Variants in MTX2 observed in about 807,000 individuals in gnomAD.
MTX2 encodes the protein metaxin-2.
MTX2 carries 35 observed loss-of-function variants against 42.3 expected under a neutral mutation model. That is an observed-to-expected ratio of 0.83 (90% confidence interval 0.63 to 1.10). MTX2 has a LOEUF of 1.10. Among genes scored for constraint, MTX2 ranks in the 50% least tolerant of loss-of-function variants. The probability of loss-of-function intolerance (pLI) is 0.00; values close to 1 mark genes in which losing one functional copy is unlikely to be tolerated. For missense variants in MTX2, 307 were observed against 304.1 expected (o/e 1.01, Z -0.07); for synonymous variants, 119 against 100.9 (o/e 1.18, Z -1.08).
intron 9 of MTX2, among the ~76,000 whole-genome samples, chr2:176,335,838 A>G (rs998682681): frequency 2.0e-5 from 3 of 152,010 alleles, no homozygotes; most frequent in African/African-American, 7.2e-5. Context: ...CTCCACAGAT[A>G]CTCCACATTG....
chr2:176,285,536 AC>A lies in MTX2; in HGVS notation c.41-11322del, dbSNP rs1199270166. 1.0e-4 allele frequency among the ~76,000 whole-genome samples: 15 copies of A among 148,326 alleles called. No homozygotes were observed. The South Asian group carries it at 3.2e-3, about 32-fold the overall frequency. On this transcript the variant is annotated intron_variant, in intron 1 of 9. Transcript: ENST00000249442. Reference sequence around the variant, plus strand: ...CCATTTACAGCCACTCCTCATTCCCACCACCAGCCTGAGTCAACCACTGGTC... The same window carrying A: ...CCATTTACAGCCACTCCTCATTCCCACACCAGCCTGAGTCAACCACTGGTC...
intron 5 of MTX2, among the ~76,000 whole-genome samples, chr2:176,327,433 A>G (rs1471729680): frequency 6.6e-6 from 1 of 150,908 alleles, no homozygotes; most frequent in Non-Finnish European, 1.5e-5. Context: ...AGTGTGTATT[A>G]TTTTGCAACA....
intron 3 of MTX2, among the ~76,000 whole-genome samples, chr2:176,307,657 G>A (rs933287146): frequency 6.6e-6 from 1 of 151,856 alleles, no homozygotes; most frequent in Non-Finnish European, 1.5e-5. Flanking sequence ...TTTATTCTCT[G>A]TGTAGCAATT....
Position 176,300,083 on chromosome 2 carries a change from C to G in MTX2, c.135+2188C>G, listed in dbSNP as rs569082868. Among the ~76,000 whole-genome samples the G allele has an allele frequency of 3.9e-5, 6 of 151,970 alleles. No individual in the cohort carries two copies. In the East Asian group the frequency reaches 9.7e-4, roughly 24 times the overall value. Reference sequence around the variant, plus strand: ...TATTAGTATAGCATGTTTCTCTGGTCCCTTGAGCCGAATGTGTATATATGC... The same window carrying G: ...TATTAGTATAGCATGTTTCTCTGGTGCCTTGAGCCGAATGTGTATATATGC... On this transcript the variant is annotated intron_variant, in intron 3 of 9. Coordinates refer to ENST00000249442, the MANE Select transcript of MTX2 (RefSeq NM_006554.5).
At chr2:176,336,132 C>T (rs963830251) in intron 9 of MTX2, among the ~76,000 whole-genome samples, 3 of 152,138 alleles carry the variant, frequency 2.0e-5, no homozygotes, top group Non-Finnish European at 2.9e-5. Flanking sequence ...TTCTCAAAAA[C>T]TTTATCACTG....
Position 176,296,872 on chromosome 2 carries a change from G to T in MTX2, c.53G>T (p.Trp18Leu), listed in dbSNP as rs1327557060. ...FVSQIAAAEP[W>L]PENATLYQQL... ...CTTGTTTCCATAGCTGCAGAACCTT[G>T]GCCTGAAAATGCTACATTATATCAG... The change falls in exon 2 of 10, where the codon TGG (tryptophan) becomes TTG (leucine). Residue 18 changes from tryptophan (W) to leucine (L), a missense_variant. Trp to Leu is a moderately conservative substitution (Grantham distance 61, BLOSUM62 -2). Transcript: ENST00000249442. 1 of 1,613,262 alleles carries T rather than the reference G, an allele frequency of 6.2e-7. No homozygotes were observed. Among genetic ancestry groups the T allele is most frequent in the Non-Finnish European group, 8.5e-7 (1 of 1,179,640 alleles).
At chr2:176,291,670 C>G (rs1256002768) in intron 1 of MTX2, among the ~76,000 whole-genome samples, 2 of 152,058 alleles carry the variant, frequency 1.3e-5, no homozygotes, top group Non-Finnish European at 2.9e-5. Context: ...ACTTTCAAGA[C>G]TGAGACAGCA....
chr2:176,312,051 T>C (rs1230331798), intron 3 of MTX2, among the ~76,000 whole-genome samples: 2 of 152,202 alleles, frequency 1.3e-5, no homozygotes, highest in African/African-American at 2.4e-5. Context: ...TGCAGATCAT[T>C]ATTAATAGTT....
chr2:176,304,229 C>G (rs1029615650), intron 3 of MTX2: 1 of 154,348 alleles, frequency 6.5e-6, no homozygotes, highest in Non-Finnish European at 1.5e-5. Context: ...CAAACCCCTT[C>G]TGTGCTTTTA....
At chr2:176,301,300 A>G (rs1162770561) in intron 3 of MTX2, among the ~76,000 whole-genome samples, 8 of 152,178 alleles carry the variant, frequency 5.3e-5, no homozygotes, top group Admixed American at 5.2e-4. Flanking sequence ...CTGAAGCTCA[A>G]AGATGCTTCG....
intron 1 of MTX2, among the ~76,000 whole-genome samples, chr2:176,274,811 A>T (rs1692908502): frequency 6.6e-6 from 1 of 152,170 alleles, no homozygotes; most frequent in South Asian, 2.1e-4. Flanking sequence ...TGTAAAGCTA[A>T]CTAAGTAGGG....
intron 3 of MTX2, among the ~76,000 whole-genome samples, chr2:176,308,450 A>T (rs1404006585): frequency 6.6e-6 from 1 of 151,626 alleles, no homozygotes; most frequent in Non-Finnish European, 1.5e-5. Context: ...TGTTTGGAAT[A>T]GTTTGAGAAG....
intron 1 of MTX2, among the ~76,000 whole-genome samples, chr2:176,279,079 A>C (rs1693019244): frequency 6.6e-6 from 1 of 152,218 alleles, no homozygotes; most frequent in East Asian, 1.9e-4. Flanking sequence ...AATAGAAACC[A>C]TAAAATGCAT....
intron 3 of MTX2, among the ~76,000 whole-genome samples, chr2:176,298,245 A>G (rs2105414854): frequency 6.6e-6 from 1 of 151,864 alleles, no homozygotes; most frequent in East Asian, 1.9e-4. Flanking sequence ...ACTCACAATT[A>G]TTTTCTAATT....
Position 176,337,571 on chromosome 2 carries a change from T to G in MTX2, c.699T>G (p.Ser233=). The change falls in exon 10 of 10, where the codon TCT becomes TCG. Residue 233 remains serine, a synonymous_variant. Transcript: ENST00000249442. ...LTTQLTNDEL[S]EKVKNYSNLL... ...CACAATTGACAAATGATGAACTTTC[T>G]GAGAAGGTGAAAAACTATAGCAACC... 6.2e-7 allele frequency: 1 copy of G among 1,613,430 alleles called. No individual in the cohort carries two copies. Among genetic ancestry groups the G allele is most frequent in the Non-Finnish European group, 8.5e-7 (1 of 1,179,526 alleles).
At chr2:176,296,264 G>C (rs1018299964) in intron 1 of MTX2, among the ~76,000 whole-genome samples, 9 of 152,102 alleles carry the variant, frequency 5.9e-5, no homozygotes, top group Admixed American at 4.6e-4. Flanking sequence ...CTCTAATTGT[G>C]TTTGTGGGGT....
chr2:176,326,744 T>A (rs188422218), intron 4 of MTX2, 81 bp from the exon 5 acceptor site: 1 of 908,110 alleles, frequency 1.1e-6, no homozygotes, highest in African/African-American at 1.8e-5. Flanking sequence ...ATACCTGAGT[T>A]TTGTGTTAAT....
At chr2:176,337,128 A>G (rs1358041428) in intron 9 of MTX2, among the ~76,000 whole-genome samples, 1 of 151,862 alleles carries the variant, frequency 6.6e-6, no homozygotes, top group Non-Finnish European at 1.5e-5. Context: ...TGCAACCTCC[A>G]CCTCCCGGGC....
chr2:176,312,406 T>C (rs1684336862), intron 3 of MTX2, among the ~76,000 whole-genome samples: 2 of 152,200 alleles, frequency 1.3e-5, no homozygotes, highest in East Asian at 1.9e-4. Flanking sequence ...ATGGAGTCCT[T>C]CTGTCAGTTC....
Sources: allele counts gnomAD v4.1 joint callset (sites outside exome capture counted in the v4.1 genomes callset), GRCh38; gene constraint gnomAD v4.1.1; transcripts MANE v1.5; gene names NCBI Gene and HGNC (gene_info 2026-07-23, HGNC 2026-07-21).